Variants in WWP2 observed in about 807,000 individuals in gnomAD.
WWP2 encodes the protein NEDD4-like E3 ubiquitin-protein ligase WWP2.
In WWP2, 57 loss-of-function variants were observed where a neutral mutation model predicts 121.0. That is an observed-to-expected ratio of 0.47 (90% CI 0.38 to 0.59). The LOEUF is 0.59. WWP2 is among the 20% of genes least tolerant of loss of function. WWP2 has a pLI of 0.00. For missense variants in WWP2, 962 were observed against 1,158.9 expected, an observed-to-expected ratio of 0.83 and a Z score of 2.47; for synonymous variants, 449 against 441.3, an observed-to-expected ratio of 1.02 and a Z score of -0.22.
chr16:69,909,871 T>C (rs1246856435), intron 9 of WWP2: 1 of 295,208 alleles, frequency 3.4e-6, no homozygotes, highest in African/African-American at 2.3e-5. Flanking sequence ...TGGCGGGTTT[T>C]GTTTCATCTG....
At chr16:69,772,696 C>T (rs1264832345) in intron 1 of WWP2, among the ~76,000 whole-genome samples, 2 of 152,186 alleles carry the variant, frequency 1.3e-5, no homozygotes, top group African/African-American at 4.8e-5. Context: ...CATTGGCACA[C>T]TGTCATGGCA....
intron 7 of WWP2, among the ~76,000 whole-genome samples, chr16:69,884,449 C>A (rs2057887855): frequency 6.6e-6 from 1 of 151,980 alleles, no homozygotes; most frequent in Non-Finnish European, 1.5e-5. Context: ...AATAGTGAGA[C>A]CCTATCTCTA....
chr16:69,861,502 C>A (rs888813732), intron 6 of WWP2, among the ~76,000 whole-genome samples: 1 of 152,120 alleles, frequency 6.6e-6, no homozygotes, highest in African/African-American at 2.4e-5. Context: ...TTTATTTTTA[C>A]CTTCCCTGTC....
At chr16:69,840,555 A>G (rs1218436017) in intron 5 of WWP2, among the ~76,000 whole-genome samples, 1 of 152,200 alleles carries the variant, frequency 6.6e-6, no homozygotes, top group African/African-American at 2.4e-5. Flanking sequence ...TCTTTATCAA[A>G]TGTGACTTTG....
chr16:69,766,348 C>T (rs191949095), intron 1 of WWP2, among the ~76,000 whole-genome samples: 27 of 152,296 alleles, frequency 1.8e-4, no homozygotes, highest in African/African-American at 5.5e-4. Context: ...CCTCTTCCAC[C>T]CTGGCTGGCC....
At chr16:69,867,231 A>T (rs1054482535) in intron 6 of WWP2, among the ~76,000 whole-genome samples, 2 of 151,754 alleles carry the variant, frequency 1.3e-5, no homozygotes, top group Non-Finnish European at 2.9e-5. Flanking sequence ...ATGGTCAGCG[A>T]GGCTGCACTG....
At chr16:69,808,466 A>C (rs559846656) in intron 4 of WWP2, among the ~76,000 whole-genome samples, 1 of 151,930 alleles carries the variant, frequency 6.6e-6, no homozygotes, top group Non-Finnish European at 1.5e-5. Flanking sequence ...CAATGGTGCA[A>C]TCTTGGCTCA....
chr16:69,912,388 C>G (rs936417974), intron 9 of WWP2, among the ~76,000 whole-genome samples: 6 of 151,146 alleles, frequency 4.0e-5, no homozygotes, highest in South Asian at 2.1e-4. Context: ...CACACACACA[C>G]ACACACACAC....
intron 1 of WWP2, among the ~76,000 whole-genome samples, chr16:69,783,912 C>G (rs924527953): frequency 4.6e-5 from 7 of 152,162 alleles, no homozygotes; most frequent in Non-Finnish European, 5.9e-5. Flanking sequence ...CATGTTCATG[C>G]CACTGCACTC....
chr16:69,899,048 A>G (rs1320474149), intron 8 of WWP2, among the ~76,000 whole-genome samples: 2 of 152,208 alleles, frequency 1.3e-5, no homozygotes, highest in African/African-American at 2.4e-5. Flanking sequence ...TTGCTTCTCA[A>G]TTATACGCAT....
At chr16:69,770,621 T>C (rs1365779247) in intron 1 of WWP2, among the ~76,000 whole-genome samples, 6 of 152,204 alleles carry the variant, frequency 3.9e-5, no homozygotes, top group Non-Finnish European at 7.3e-5. Context: ...GAACCTCGAT[T>C]TATAGCCGGT....
intron 6 of WWP2, among the ~76,000 whole-genome samples, chr16:69,868,353 A>T (rs9934928): frequency 1.3e-5 from 2 of 152,288 alleles, no homozygotes; most frequent in African/African-American, 4.8e-5. Flanking sequence ...TGCTGACCAC[A>T]TGCCCTTTCT....
At chr16:69,843,729 C>T (rs1050778262) in intron 6 of WWP2, among the ~76,000 whole-genome samples, 4 of 151,828 alleles carry the variant, frequency 2.6e-5, no homozygotes, top group African/African-American at 9.7e-5. Flanking sequence ...ATGAGCTGGG[C>T]ATGGTAGTGT....
At position 69,799,471 on chromosome 16, in the gene WWP2, G is replaced by A. The variant is rs16959189; in HGVS notation, c.340+176G>A. ...AGGGCTCCTCTCTGCCTCCACTACA[G>A]AGTTTAGCCCTCTTTGTCCAGGGCC... On this transcript the variant is annotated intron_variant, in intron 4 of 23. Transcript: ENST00000359154. This position sits in a 1 kb window ranked among gnomAD's most constrained non-coding sequence, Gnocchi z 4.5. 3,480 of 817,190 alleles carry A rather than the reference G, an allele frequency of 4.3e-3. 74 individuals are homozygous for A. In the African/African-American group the frequency reaches 0.047, roughly 11 times the overall value. 50.6% of individuals were successfully genotyped at this position (817,190 alleles called of 1,614,324 possible).
chr16:69,773,404 C>G (rs900410036), intron 1 of WWP2, among the ~76,000 whole-genome samples: 2 of 152,164 alleles, frequency 1.3e-5, no homozygotes, highest in African/African-American at 4.8e-5. Context: ...ATCTCGAACT[C>G]TTGACCTCAT....
At chr16:69,918,898 C>T (rs1373986545) in intron 10 of WWP2, among the ~76,000 whole-genome samples, 1 of 145,812 alleles carries the variant, frequency 6.9e-6, no homozygotes, top group African/African-American at 2.6e-5. Flanking sequence ...TGCTGGAGTG[C>T]AGTGGCACAA....
At chr16:69,769,496 C>T (rs2055369099) in intron 1 of WWP2, among the ~76,000 whole-genome samples, 1 of 152,038 alleles carries the variant, frequency 6.6e-6, no homozygotes, top group Admixed American at 6.6e-5. Context: ...GTAATTTCTG[C>T]TTTTCCCTGG....
chr16:69,854,942 A>G (rs1365632436), intron 6 of WWP2, among the ~76,000 whole-genome samples: 6 of 151,958 alleles, frequency 3.9e-5, no homozygotes, highest in South Asian at 2.1e-4. Flanking sequence ...TGCAGCCTCA[A>G]CCTCCAAGGC....
intron 6 of WWP2, chr16:69,871,579 G>A: frequency 2.0e-6 from 1 of 497,632 alleles, no homozygotes; most frequent in Admixed American, 3.9e-5. Flanking sequence ...TACTTGAAGT[G>A]GAAAAGTTTA....
Sources: allele counts gnomAD v4.1 joint callset (sites outside exome capture counted in the v4.1 genomes callset), GRCh38; gene constraint gnomAD v4.1.1; non-coding constraint Gnocchi (gnomAD v3.1); transcripts MANE v1.5; gene names NCBI Gene and HGNC (gene_info 2026-07-23, HGNC 2026-07-21).